The following PTPRD variants were observed in gnomAD, a reference collection of about 807,000 sequenced individuals.
PTPRD encodes protein tyrosine phosphatase receptor type D.
Under a neutral mutation model 214.5 loss-of-function variants are expected in PTPRD, and 34 were observed. The ratio of observed to expected loss-of-function variants is 0.16; its 90% CI spans 0.12 to 0.21. The LOEUF (loss-of-function observed/expected upper bound fraction) is 0.21. Ranked by LOEUF, PTPRD falls within the 10% of genes least tolerant of loss-of-function variation. PTPRD has a pLI of 1.00. For missense variants in PTPRD, 2,545 were observed against 2,398.7 expected (o/e 1.06, Z -1.27); for synonymous variants, 1,128 against 845.7 (o/e 1.33, Z -5.79).
intron 8 of PTPRD, among the ~76,000 whole-genome samples, chr9:9,471,670 A>C (rs1023689482): frequency 6.6e-6 from 1 of 152,136 alleles, no homozygotes; most frequent in Non-Finnish European, 1.5e-5. Context: ...TCATTATAGG[A>C]GATGTATTGC....
chr9:10,529,329 T>C (rs937612581), intron 2 of PTPRD, among the ~76,000 whole-genome samples: 5 of 152,084 alleles, frequency 3.3e-5, no homozygotes, highest in South Asian at 4.1e-4. Context: ...CAATTGCCCA[T>C]CAAGGTTAGA....
At chr9:10,485,725 T>G (rs909184415) in intron 2 of PTPRD, among the ~76,000 whole-genome samples, 1 of 152,130 alleles carries the variant, frequency 6.6e-6, no homozygotes, top group Non-Finnish European at 1.5e-5. Context: ...GAAAATTTAA[T>G]GAATTTGTTT....
At chr9:10,292,371 A>G (rs1178191333) in intron 3 of PTPRD, among the ~76,000 whole-genome samples, 3 of 151,994 alleles carry the variant, frequency 2.0e-5, no homozygotes, top group Admixed American at 2.0e-4. Context: ...GTTCTTCCTG[A>G]CATCACCCTT....
chr9:8,692,733 G>C (rs1249625430), intron 12 of PTPRD, among the ~76,000 whole-genome samples: 2 of 151,960 alleles, frequency 1.3e-5, no homozygotes, highest in Non-Finnish European at 2.9e-5. Context: ...GCCTCCTTTT[G>C]ATACCTTCAC....
At chr9:8,871,077 C>G (rs1383003371) in intron 11 of PTPRD, among the ~76,000 whole-genome samples, 1 of 152,158 alleles carries the variant, frequency 6.6e-6, no homozygotes, top group Non-Finnish European at 1.5e-5. Flanking sequence ...ACACGTGTTG[C>G]TAGGTTCATA....
intron 8 of PTPRD, among the ~76,000 whole-genome samples, chr9:9,564,203 C>T (rs10491609): frequency 0.012 from 1,760 of 152,136 alleles, 35 homozygotes; most frequent in African/African-American, 0.04. Flanking sequence ...CTTTGTAGAT[C>T]CTTATTCATT....
At chr9:9,941,885 T>C (rs546332596) in intron 4 of PTPRD, among the ~76,000 whole-genome samples, 1 of 152,338 alleles carries the variant, frequency 6.6e-6, no homozygotes, top group Non-Finnish European at 1.5e-5. Context: ...AAATCAGTAG[T>C]TATTAGCTAA....
At chr9:10,249,902 A>T (rs1279344684) in intron 3 of PTPRD, among the ~76,000 whole-genome samples, 7 of 152,178 alleles carry the variant, frequency 4.6e-5, no homozygotes, top group Non-Finnish European at 1.0e-4. Flanking sequence ...ATAAATAAAT[A>T]AAGCGCTTAA....
At chr9:8,557,752 A>G (rs1487470193) in intron 14 of PTPRD, among the ~76,000 whole-genome samples, 1 of 133,306 alleles carries the variant, frequency 7.5e-6, no homozygotes, top group Non-Finnish European at 1.5e-5. Flanking sequence ...CAATAAAAAA[A>G]AAAAAAAAAA....
At chr9:8,825,595 T>G (rs1218048049) in intron 11 of PTPRD, among the ~76,000 whole-genome samples, 2 of 152,170 alleles carry the variant, frequency 1.3e-5, no homozygotes, top group African/African-American at 4.8e-5. Flanking sequence ...AAGAGAGGGT[T>G]CTTGGATTTT....
intron 3 of PTPRD, among the ~76,000 whole-genome samples, chr9:10,298,166 A>G (rs1489385661): frequency 1.3e-5 from 2 of 152,156 alleles, no homozygotes; most frequent in Admixed American, 6.6e-5. Context: ...CTACTAAATC[A>G]AACAACAATC....
chr9:9,421,810 T>C (rs929941536), intron 8 of PTPRD, among the ~76,000 whole-genome samples: 4 of 152,134 alleles, frequency 2.6e-5, no homozygotes, highest in African/African-American at 4.8e-5. Context: ...GGCACATTCT[T>C]GGCACATGGT....
At chr9:8,601,975 G>A (rs2094893753) in intron 14 of PTPRD, among the ~76,000 whole-genome samples, 1 of 152,118 alleles carries the variant, frequency 6.6e-6, no homozygotes, top group South Asian at 2.1e-4. Flanking sequence ...TGACAATGGT[G>A]ACCCAATGTA....
At chr9:8,696,586 G>A (rs1440833374) in intron 12 of PTPRD, among the ~76,000 whole-genome samples, 1 of 152,128 alleles carries the variant, frequency 6.6e-6, no homozygotes, top group Non-Finnish European at 1.5e-5. Context: ...GAGGGGGCAG[G>A]GGAGAAAGAT....
chr9:10,091,841 A>T (rs2098435324), intron 3 of PTPRD, among the ~76,000 whole-genome samples: 2 of 151,452 alleles, frequency 1.3e-5, no homozygotes, highest in African/African-American at 2.4e-5. Context: ...TCATTAAGAA[A>T]CAAGTTCAAA....
At chr9:8,414,313 G>C (rs899048753) in intron 35 of PTPRD, among the ~76,000 whole-genome samples, 1 of 152,134 alleles carries the variant, frequency 6.6e-6, no homozygotes, top group African/African-American at 2.4e-5. Flanking sequence ...GCTATCACCT[G>C]TGACAGCCTT....
chr9:8,483,306 T>A (rs892614787), intron 30 of PTPRD, among the ~76,000 whole-genome samples: 4 of 152,254 alleles, frequency 2.6e-5, no homozygotes, highest in African/African-American at 9.6e-5. Context: ...TTTCCTACTT[T>A]TAATACATCA....
intron 11 of PTPRD, among the ~76,000 whole-genome samples, chr9:8,904,720 T>C (rs1288032213): frequency 6.6e-6 from 1 of 152,074 alleles, no homozygotes; most frequent in Non-Finnish European, 1.5e-5. Flanking sequence ...TGTTAAATAT[T>C]ATTTGCAAAA....
intron 9 of PTPRD, among the ~76,000 whole-genome samples, chr9:9,305,037 C>T (rs1956696775): frequency 6.7e-6 from 1 of 149,674 alleles, no homozygotes; most frequent in Non-Finnish European, 1.5e-5. Context: ...ATACTTCACG[C>T]CCACCTGTTA....
Sources: allele counts gnomAD v4.1 joint callset (sites outside exome capture counted in the v4.1 genomes callset), GRCh38; gene constraint gnomAD v4.1.1; transcripts MANE v1.5; gene names NCBI Gene and HGNC (gene_info 2026-07-23, HGNC 2026-07-21).